FBXL20: variants seen among roughly 807,000 people sequenced by gnomAD.
FBXL20 encodes the protein F-box/LRR-repeat protein 20.
Under a neutral mutation model 64.0 loss-of-function variants are expected in FBXL20, and 11 were observed. The ratio of observed to expected loss-of-function variants is 0.17; its 90% CI spans 0.11 to 0.28. The LOEUF (loss-of-function observed/expected upper bound fraction) is 0.28, where lower values mean the gene tolerates loss of function less well. FBXL20 is among the 10% of genes least tolerant of loss of function. FBXL20 has a pLI of 1.00. For synonymous variants in FBXL20, 184 were observed against 189.0 expected (o/e 0.97, Z 0.22); for missense variants, 303 against 526.2 (o/e 0.58, Z 4.15).
At chr17:39,340,178 C>A (rs1036328216) in intron 2 of FBXL20, among the ~76,000 whole-genome samples, 2 of 152,038 alleles carry the variant, frequency 1.3e-5, no homozygotes, top group African/African-American at 4.8e-5. Flanking sequence ...CTCACTGCAA[C>A]CTCTGCCTCC....
intron 1 of FBXL20, among the ~76,000 whole-genome samples, chr17:39,397,337 T>C (rs2048194019): frequency 6.6e-6 from 1 of 152,220 alleles, no homozygotes; most frequent in Admixed American, 6.5e-5. Flanking sequence ...ATAATGAACA[T>C]GGATTCAAAA....
At chr17:39,355,962 T>A (rs2047734590) in intron 1 of FBXL20, among the ~76,000 whole-genome samples, 1 of 150,058 alleles carries the variant, frequency 6.7e-6, no homozygotes, top group Non-Finnish European at 1.5e-5. Context: ...ACACCTGTAA[T>A]CCCAGCACTT....
intron 6 of FBXL20, among the ~76,000 whole-genome samples, chr17:39,290,764 C>T (rs1489104058): frequency 6.6e-6 from 1 of 152,002 alleles, no homozygotes; most frequent in East Asian, 1.9e-4. Context: ...GGTCCCACTA[C>T]GTTGCCCAAG....
chr17:39,392,054 A>G (rs1380278628), intron 1 of FBXL20, among the ~76,000 whole-genome samples: 3 of 152,056 alleles, frequency 2.0e-5, no homozygotes, highest in Non-Finnish European at 2.9e-5. Flanking sequence ...GGAGAATCGC[A>G]TGAACGCAGG....
chr17:39,361,576 T>A (rs2047794207), intron 1 of FBXL20, among the ~76,000 whole-genome samples: 1 of 151,694 alleles, frequency 6.6e-6, no homozygotes, highest in African/African-American at 2.4e-5. Context: ...GGCAGGTAGA[T>A]CATTAAGTCA....
intron 1 of FBXL20, among the ~76,000 whole-genome samples, chr17:39,392,163 G>C (rs2048140049): frequency 1.3e-5 from 2 of 152,046 alleles, no homozygotes; most frequent in African/African-American, 4.8e-5. Context: ...AAAACAGCCA[G>C]GCGCAGTGGC....
In FBXL20 at chr17:39,263,712, G is replaced by T. The variant is rs184995557; in HGVS notation, c.1203+463C>A. Among the ~76,000 whole-genome samples, 41 of 152,178 alleles carry T rather than the reference G, an allele frequency of 2.7e-4. No homozygotes were observed. In the East Asian group the frequency reaches 7.9e-3, roughly 29 times the overall value. On this transcript the variant is annotated intron_variant, in intron 14 of 14. Transcript: ENST00000264658. ...ATCTCTTAAAAGAAAGACAGAAAAGGTAAAAGTCTATGTCTACTTTACTTG... is the reference window on the plus strand; with the variant it reads ...ATCTCTTAAAAGAAAGACAGAAAAGTTAAAAGTCTATGTCTACTTTACTTG...
intron 1 of FBXL20, among the ~76,000 whole-genome samples, chr17:39,390,579 T>C (rs972115077): frequency 2.1e-5 from 3 of 143,638 alleles, no homozygotes; most frequent in Non-Finnish European, 4.6e-5. Flanking sequence ...AAAAAAAAAA[T>C]AGCCAGATAT....
At chr17:39,323,842 G>C (rs1322132626) in intron 2 of FBXL20, among the ~76,000 whole-genome samples, 1 of 150,406 alleles carries the variant, frequency 6.6e-6, no homozygotes, top group East Asian at 1.9e-4. Context: ...ATGCAATCTC[G>C]GCTCACTGCA....
chr17:39,301,539 C>A (rs916446470), intron 3 of FBXL20, among the ~76,000 whole-genome samples: 10 of 151,752 alleles, frequency 6.6e-5, no homozygotes, highest in Non-Finnish European at 1.5e-4. Flanking sequence ...ACCAGCCTGG[C>A]CAACATGGTG....
chr17:39,282,227 TGA>T (rs942624102), intron 8 of FBXL20, among the ~76,000 whole-genome samples: 68 of 152,248 alleles, frequency 4.5e-4, no homozygotes, highest in African/African-American at 1.6e-3. Flanking sequence ...TATAAAACAC[TGA>T]GATAGTAAAA....
At chr17:39,396,070 C>T (rs1413695955) in intron 1 of FBXL20, among the ~76,000 whole-genome samples, 3 of 62,636 alleles carry the variant, frequency 4.8e-5, no homozygotes, top group African/African-American at 1.9e-4. Flanking sequence ...AAAGACTTTT[C>T]GAAAAAAAAA....
intron 1 of FBXL20, among the ~76,000 whole-genome samples, chr17:39,389,159 T>C (rs1434521124): frequency 2.7e-5 from 4 of 150,400 alleles, no homozygotes; most frequent in Non-Finnish European, 4.4e-5. Flanking sequence ...GCTTCTTTTA[T>C]ATAACCCCAG....
chr17:39,343,880 T>C (rs1454874950), intron 1 of FBXL20, among the ~76,000 whole-genome samples: 1 of 151,908 alleles, frequency 6.6e-6, no homozygotes, highest in Non-Finnish European at 1.5e-5. Context: ...TTGTTTGTTT[T>C]TGAGACAGAG....
intron 2 of FBXL20, among the ~76,000 whole-genome samples, chr17:39,311,547 A>G (rs2047235598): frequency 6.6e-6 from 1 of 152,050 alleles, no homozygotes; most frequent in South Asian, 2.1e-4. Flanking sequence ...GTTCTCCTTA[A>G]TAAATTTTCT....
chr17:39,339,563 T>C (rs978256612), intron 2 of FBXL20, among the ~76,000 whole-genome samples: 1 of 152,194 alleles, frequency 6.6e-6, no homozygotes, highest in South Asian at 2.1e-4. Flanking sequence ...CAATTCAATG[T>C]AACGTGCAAT....
intron 2 of FBXL20, among the ~76,000 whole-genome samples, chr17:39,314,827 AC>A (rs1419736978): frequency 1.6e-4 from 19 of 121,324 alleles, no homozygotes; most frequent in Non-Finnish European, 1.1e-4. Context: ...ATGGAGTCTC[AC>A]TCTGTGTTGC....
chr17:39,275,974 G>C (rs1049360661), intron 9 of FBXL20, among the ~76,000 whole-genome samples: 2 of 151,910 alleles, frequency 1.3e-5, no homozygotes, highest in Non-Finnish European at 2.9e-5. Context: ...AGACTGGGTG[G>C]AGTGGCTCAC....
chr17:39,386,137 A>G (rs1203361391), intron 1 of FBXL20, among the ~76,000 whole-genome samples: 3 of 151,242 alleles, frequency 2.0e-5, no homozygotes, highest in Admixed American at 6.6e-5. Context: ...AGGTCAGGAC[A>G]TCCAGACTAC....
Sources: allele counts gnomAD v4.1 joint callset (sites outside exome capture counted in the v4.1 genomes callset), GRCh38; gene constraint gnomAD v4.1.1; transcripts MANE v1.5; gene names NCBI Gene and HGNC (gene_info 2026-07-23, HGNC 2026-07-21).